Variants in ZFR observed in about 807,000 individuals in gnomAD.
ZFR encodes the protein zinc finger RNA binding protein.
A neutral mutation model predicts 130.7 loss-of-function variants in ZFR; 19 were observed. That is an observed-to-expected ratio of 0.15 (90% CI 0.10 to 0.21). The LOEUF (loss-of-function observed/expected upper bound fraction) is 0.21, where lower values mean the gene tolerates loss of function less well. Ranked by LOEUF, ZFR falls within the 10% of genes least tolerant of loss-of-function variation. The pLI is 1.00. For synonymous variants in ZFR, 466 were observed against 456.9 expected (o/e 1.02, Z -0.25); for missense variants, 872 against 1,321.5 (o/e 0.66, Z 5.27).
At chr5:32,443,900 G>A (rs1387229452) in intron 2 of ZFR, among the ~76,000 whole-genome samples, 20 of 152,218 alleles carry the variant, frequency 1.3e-4, no homozygotes, top group Non-Finnish European at 7.4e-5. Context: ...GGGGCCTGCC[G>A]GGCGGCGGTG....
intron 2 of ZFR, among the ~76,000 whole-genome samples, chr5:32,425,446 G>A (rs2111836910): frequency 6.6e-6 from 1 of 152,222 alleles, no homozygotes; most frequent in South Asian, 2.1e-4. Context: ...AAAAAGATTT[G>A]TAAAAATGTA....
At chr5:32,438,082 A>G (rs976025741) in intron 2 of ZFR, among the ~76,000 whole-genome samples, 5 of 152,036 alleles carry the variant, frequency 3.3e-5, no homozygotes, top group Non-Finnish European at 5.9e-5. Flanking sequence ...GTCATCTTTT[A>G]TGACTTTTTT....
intron 17 of ZFR, among the ~76,000 whole-genome samples, chr5:32,375,244 T>C (rs1276237950): frequency 6.6e-6 from 1 of 152,154 alleles, no homozygotes; most frequent in Non-Finnish European, 1.5e-5. Flanking sequence ...TTGATGAAAG[T>C]TCAACTTCCG....
chr5:32,409,213 A>T (rs1753645523), intron 5 of ZFR, among the ~76,000 whole-genome samples: 1 of 152,208 alleles, frequency 6.6e-6, no homozygotes, highest in South Asian at 2.1e-4. Flanking sequence ...AGTCTACCAA[A>T]TTTCCAGAGA....
chr5:32,406,429 G>GT (rs1753581083), intron 6 of ZFR, among the ~76,000 whole-genome samples: 1 of 152,150 alleles, frequency 6.6e-6, no homozygotes, highest in South Asian at 2.1e-4. Flanking sequence ...GCTTTGGCAA[G>GT]TAAGTTACAG....
At chr5:32,373,259 GGT>G (rs2111688625) in intron 17 of ZFR, among the ~76,000 whole-genome samples, 1 of 152,210 alleles carries the variant, frequency 6.6e-6, no homozygotes, top group South Asian at 2.1e-4. Flanking sequence ...CAGGCGTGGT[GGT>G]GCATGCCTGT....
intron 9 of ZFR, 118 bp from the exon 10 acceptor site, chr5:32,397,456 C>A: frequency 7.6e-7 from 1 of 1,313,396 alleles, no homozygotes; most frequent in Non-Finnish European, 1.0e-6. Context: ...ATGTCTATTA[C>A]ATTTTTTTTT....
intron 17 of ZFR, among the ~76,000 whole-genome samples, chr5:32,378,873 A>C (rs1457332017): frequency 1.3e-5 from 2 of 151,824 alleles, no homozygotes; most frequent in African/African-American, 2.4e-5. Context: ...ATTAAAAAAA[A>C]AACACTGTGA....
intron 17 of ZFR, among the ~76,000 whole-genome samples, chr5:32,370,305 T>TGG (rs1186306961): frequency 8.6e-6 from 1 of 116,316 alleles, no homozygotes; most frequent in Non-Finnish European, 1.7e-5. Flanking sequence ...TTGTGTGTTG[T>TGG]GGGGGGAGAG....
intron 2 of ZFR, among the ~76,000 whole-genome samples, chr5:32,430,186 A>G (rs1754172939): frequency 6.6e-6 from 1 of 152,110 alleles, no homozygotes; most frequent in Non-Finnish European, 1.5e-5. Flanking sequence ...GACCACAGGC[A>G]TTAGAATTAT....
chr5:32,442,039 TATTA>T (rs1754486810), intron 2 of ZFR, among the ~76,000 whole-genome samples: 2 of 152,206 alleles, frequency 1.3e-5, no homozygotes, highest in African/African-American at 4.8e-5. Context: ...ATCAAAAAAT[TATTA>T]ATTATCTTTA....
intron 17 of ZFR, among the ~76,000 whole-genome samples, chr5:32,370,503 G>A (rs182763950): frequency 3.3e-5 from 5 of 152,012 alleles, no homozygotes; most frequent in African/African-American, 1.2e-4. Flanking sequence ...CTCCTGAGTA[G>A]CTGGGACTAC....
chr5:32,372,511 C>T lies in ZFR; in HGVS notation c.2835+6604G>A, dbSNP rs540710683. Among the ~76,000 whole-genome samples the T allele has an allele frequency of 9.2e-5, 14 of 152,168 alleles. No individual in the cohort carries two copies. The East Asian group carries it at 1.4e-3, about 15-fold the overall frequency. ...TGCCACCAGAGACAGCAACATCAAT[C>T]TTCCTTCCTCACCCTTAGCCTATTC... On this transcript the variant is annotated intron_variant, in intron 17 of 19. Transcript: ENST00000265069.
intron 2 of ZFR, among the ~76,000 whole-genome samples, chr5:32,424,146 G>A (rs920186030): frequency 1.1e-4 from 16 of 152,196 alleles, no homozygotes; most frequent in African/African-American, 3.6e-4. Flanking sequence ...TTAGGGGAAG[G>A]ACAGAAGCCT....
At chr5:32,423,270 T>C (rs1384372371) in intron 2 of ZFR, among the ~76,000 whole-genome samples, 2 of 151,668 alleles carry the variant, frequency 1.3e-5, no homozygotes, top group African/African-American at 2.4e-5. Context: ...GAGGCAGAGG[T>C]TGCAGTGAGC....
Position 32,434,932 on chromosome 5 carries a change from T to C in ZFR, c.137+9297A>G, listed in dbSNP as rs1161620975. On this transcript the variant is annotated intron_variant, in intron 2 of 19. Transcript: ENST00000265069. ...TCTGTAACTTTTTCTTTCTTTCTTT[T>C]TTAAAGACAGGGTTTCACTCTGTCA... Among the ~76,000 whole-genome samples the C allele has an allele frequency of 9.2e-5, 14 of 152,136 alleles. 1 individual carries two copies.
intron 5 of ZFR, among the ~76,000 whole-genome samples, chr5:32,408,613 T>C (rs1423846696): frequency 2.0e-5 from 3 of 152,224 alleles, no homozygotes; most frequent in African/African-American, 7.2e-5. Flanking sequence ...TGTTTTTGCC[T>C]GTAAGCTTGA....
chr5:32,403,269 T>C lies in ZFR; in HGVS notation c.1353A>G (p.Ala451=). Residue 451 remains alanine, a synonymous_variant, in exon 8 of 20, where the codon GCA becomes GCG. Transcript: ENST00000265069. ...KPTASPSSIA[A]NNCTVNTSSV... ...ATGACGTATTCACAGTACAATTGTT[T>C]GCTGCAATGCTTGAAGGAGAGGCAG... 6.2e-7 allele frequency: 1 copy of C among 1,614,212 alleles called. No homozygotes were observed. Among genetic ancestry groups the C allele is most frequent in the South Asian group, 1.1e-5 (1 of 91,088 alleles).
chr5:32,395,440 T>C (rs1753281327), intron 10 of ZFR, 136 bp from the exon 11 acceptor site: 3 of 599,510 alleles, frequency 5.0e-6, no homozygotes, highest in Non-Finnish European at 7.6e-6. Flanking sequence ...GTAAAATCAA[T>C]ATAATTAAGG....
Sources: allele counts gnomAD v4.1 joint callset (sites outside exome capture counted in the v4.1 genomes callset), GRCh38; gene constraint gnomAD v4.1.1; transcripts MANE v1.5; gene names NCBI Gene and HGNC (gene_info 2026-07-23, HGNC 2026-07-21).